CRTAC1: variants seen among roughly 807,000 people sequenced by gnomAD.
The protein encoded by CRTAC1 is cartilage acidic protein 1.
CRTAC1 carries 37 observed loss-of-function variants against 67.8 expected under a neutral mutation model. That is an observed-to-expected ratio of 0.55 (90% CI 0.42 to 0.72). CRTAC1 has a LOEUF of 0.72. Ranked by LOEUF, CRTAC1 falls within the 30% of genes least tolerant of loss-of-function variation. CRTAC1 has a pLI of 0.00. For missense variants in CRTAC1, 780 were observed against 931.6 expected (o/e 0.84, Z 2.12); for synonymous variants, 348 against 371.0 (o/e 0.94, Z 0.71).
rs145324382 is a variant in CRTAC1, at chr10:98,026,239, A to G, written c.24+4210T>C. On this transcript the variant is annotated intron_variant, in intron 1 of 14. Transcript: ENST00000370597. ...AAGGAAACTGAGGCTTGCAGAGGTTAAGTGGTTTGTTTAAGGTCTCTAAGC... is the reference window on the plus strand; with the variant it reads ...AAGGAAACTGAGGCTTGCAGAGGTTGAGTGGTTTGTTTAAGGTCTCTAAGC... Among the ~76,000 whole-genome samples, 26 of 152,326 alleles carry G rather than the reference A, an allele frequency of 1.7e-4. No homozygotes were observed. In the East Asian group the frequency reaches 5.0e-3, roughly 29 times the overall value.
At chr10:97,880,576 G>T (rs762118331) in intron 13 of CRTAC1, among the ~76,000 whole-genome samples, 184 bp from the exon 14 acceptor site, 1 of 152,092 alleles carries the variant, frequency 6.6e-6, no homozygotes, top group Non-Finnish European at 1.5e-5. Flanking sequence ...GGGGCAGGGG[G>T]TGGGCACTCA....
In CRTAC1 at chr10:98,001,548, G is replaced by GC. The variant is rs565534405; in HGVS notation, c.224+9589_224+9590insG. On this transcript the variant is annotated intron_variant, in intron 2 of 14. Coordinates refer to ENST00000370597, the MANE Select transcript of CRTAC1 (RefSeq NM_018058.7). ...ATCTCAATTTTAGAGATATTAAAAT[G>GC]TAAAAAAAAAAAATGTGACTTAGGA... is the stretch of plus-strand genomic sequence containing the variant. 3.6e-4 allele frequency among the ~76,000 whole-genome samples: 53 copies of GC among 146,920 alleles called. 1 individual carries two copies. The South Asian group carries it at 0.011, about 32-fold the overall frequency.
At chr10:97,913,321 G>A (rs983426506) in intron 5 of CRTAC1, among the ~76,000 whole-genome samples, 1 of 152,120 alleles carries the variant, frequency 6.6e-6, no homozygotes, top group Non-Finnish European at 1.5e-5. Context: ...TGTGTGGCGG[G>A]TATTAGACAA....
chr10:97,927,903 G>C (rs566275798), intron 3 of CRTAC1, among the ~76,000 whole-genome samples: 1 of 152,362 alleles, frequency 6.6e-6, no homozygotes, highest in East Asian at 1.9e-4. Flanking sequence ...GCCCATGTCA[G>C]CATGCAGTCC....
At chr10:98,025,172 CA>C (rs972163090) in intron 1 of CRTAC1, among the ~76,000 whole-genome samples, 2 of 152,086 alleles carry the variant, frequency 1.3e-5, no homozygotes, top group South Asian at 2.1e-4. Flanking sequence ...AAATCACTCC[CA>C]CCTCTAATGT....
At chr10:97,973,791 G>A (rs759832327) in intron 2 of CRTAC1, among the ~76,000 whole-genome samples, 31 of 151,950 alleles carry the variant, frequency 2.0e-4, no homozygotes, top group Admixed American at 1.3e-4. Flanking sequence ...TTTCTTTTTA[G>A]ACAGTCACTG....
chr10:97,967,676 GGAGAC>G (rs1446426922), intron 2 of CRTAC1, among the ~76,000 whole-genome samples: 4 of 152,054 alleles, frequency 2.6e-5, no homozygotes, highest in African/African-American at 9.7e-5. Context: ...CTATCTTAGG[GGAGAC>G]TGATTTTTAA....
At chr10:97,885,617 G>T (rs1042801417) in intron 11 of CRTAC1, among the ~76,000 whole-genome samples, 8 of 152,234 alleles carry the variant, frequency 5.3e-5, no homozygotes, top group Admixed American at 5.2e-4. Flanking sequence ...ACTGTGGCAA[G>T]GTCAGGCTAA....
chr10:97,939,659 T>C (rs1202368030), intron 2 of CRTAC1, among the ~76,000 whole-genome samples: 4 of 152,114 alleles, frequency 2.6e-5, no homozygotes, highest in Non-Finnish European at 2.9e-5. Context: ...ACCAGTCTTC[T>C]TCCCTCCCCG....
chr10:97,977,420 C>T (rs1156705861), intron 2 of CRTAC1, among the ~76,000 whole-genome samples: 1 of 152,210 alleles, frequency 6.6e-6, no homozygotes, highest in East Asian at 1.9e-4. Context: ...CAGCTCTGCT[C>T]ACCCAATGGG....
intron 2 of CRTAC1, among the ~76,000 whole-genome samples, chr10:97,989,583 ATCTTG>A (rs1189538024): frequency 6.6e-6 from 1 of 152,244 alleles, no homozygotes; most frequent in African/African-American, 2.4e-5. Context: ...CAATTTTATT[ATCTTG>A]TGGGACCACC....
intron 1 of CRTAC1, among the ~76,000 whole-genome samples, chr10:98,021,783 A>C (rs1185771659): frequency 1.3e-5 from 2 of 152,100 alleles, no homozygotes; most frequent in African/African-American, 4.8e-5. Context: ...CCAAATGTTG[A>C]ATGGAATGCT....
At chr10:97,874,819 G>A (rs1411627141) in intron 14 of CRTAC1, among the ~76,000 whole-genome samples, 2 of 152,016 alleles carry the variant, frequency 1.3e-5, no homozygotes, top group Non-Finnish European at 2.9e-5. Context: ...CCCTGCCCCC[G>A]CCGCTATTTA....
chr10:97,971,571 T>C (rs1304269529), intron 2 of CRTAC1, among the ~76,000 whole-genome samples: 1 of 152,226 alleles, frequency 6.6e-6, no homozygotes, highest in Non-Finnish European at 1.5e-5. Flanking sequence ...AAGAGATCTG[T>C]GGACAGATGG....
intron 2 of CRTAC1, among the ~76,000 whole-genome samples, chr10:97,983,859 C>T (rs116254435): frequency 1.9e-3 from 289 of 152,310 alleles, no homozygotes; most frequent in South Asian, 5.6e-3. Flanking sequence ...TCCAAAAATA[C>T]GTATGCATAT....
chr10:97,903,520 C>T (rs968944136), intron 7 of CRTAC1, among the ~76,000 whole-genome samples: 10 of 151,786 alleles, frequency 6.6e-5, no homozygotes, highest in African/African-American at 1.9e-4. Flanking sequence ...TGGGCCTGGG[C>T]GTCCCAAGGT....
chr10:97,967,767 G>A (rs1590247186), intron 2 of CRTAC1, among the ~76,000 whole-genome samples: 1 of 152,266 alleles, frequency 6.6e-6, no homozygotes, highest in East Asian at 1.9e-4. Context: ...CTCACTGAGT[G>A]TATTAAGCAG....
intron 1 of CRTAC1, among the ~76,000 whole-genome samples, chr10:98,012,042 G>A (rs1842919731): frequency 6.6e-6 from 1 of 152,130 alleles, no homozygotes; most frequent in African/African-American, 2.4e-5. Flanking sequence ...TCCCTCCCTA[G>A]GGCAGCTGGC....
At chr10:98,024,162 C>T (rs1005398525) in intron 1 of CRTAC1, among the ~76,000 whole-genome samples, 2 of 152,228 alleles carry the variant, frequency 1.3e-5, no homozygotes, top group African/African-American at 4.8e-5. Context: ...TGCAGTCCCT[C>T]CTCAGGTCAC....
Sources: gnomAD v4.1 joint callset for allele counts (sites outside exome capture counted in the v4.1 genomes callset) on GRCh38, gnomAD v4.1.1 for gene constraint, MANE v1.5 for transcripts, NCBI Gene and HGNC (gene_info 2026-07-23, HGNC 2026-07-21) for gene names.